Variants in TTC21B observed in about 807,000 individuals in gnomAD.
The protein encoded by TTC21B is tetratricopeptide repeat domain 21B.
In TTC21B, 127 loss-of-function variants were observed where a neutral mutation model predicts 175.1. The observed-to-expected ratio is 0.73, with a 90% CI of 0.63 to 0.84. TTC21B has a LOEUF of 0.84. Ranked by LOEUF, TTC21B falls within the 40% of genes least tolerant of loss-of-function variation. The probability of loss-of-function intolerance (pLI) is 0.00; values close to 1 mark genes in which losing one functional copy is unlikely to be tolerated. For synonymous variants in TTC21B, 524 were observed against 524.5 expected, an observed-to-expected ratio of 1.00 and a Z score of 0.01; for missense variants, 1,561 against 1,558.3, an observed-to-expected ratio of 1.00 and a Z score of -0.03.
intron 11 of TTC21B, among the ~76,000 whole-genome samples, chr2:165,927,908 G>C (rs550755888): frequency 1.3e-5 from 2 of 152,326 alleles, no homozygotes; most frequent in East Asian, 3.9e-4. Flanking sequence ...ATGCTAAGAA[G>C]TTTGCTTTCA....
intron 12 of TTC21B, among the ~76,000 whole-genome samples, chr2:165,919,889 A>T (rs989063315): frequency 1.3e-5 from 2 of 152,204 alleles, no homozygotes; most frequent in Non-Finnish European, 2.9e-5. Flanking sequence ...TTACTACTAT[A>T]CATAAAATAA....
intron 14 of TTC21B, among the ~76,000 whole-genome samples, chr2:165,916,231 C>A (rs180763122): frequency 6.6e-6 from 1 of 152,106 alleles, no homozygotes; most frequent in Non-Finnish European, 1.5e-5. Flanking sequence ...TCACTGGATG[C>A]CAGCTGAGGA....
At chr2:165,947,715 T>G (rs1163216759) in intron 3 of TTC21B, 1 of 152,128 alleles carries the variant, frequency 6.6e-6, no homozygotes, top group African/African-American at 2.4e-5. Context: ...CAGGGTTTAT[T>G]TACATCAGCA....
chr2:165,901,613 G>T, intron 20 of TTC21B, 109 bp downstream of exon 20: 1 of 1,104,292 alleles, frequency 9.1e-7, no homozygotes, highest in Non-Finnish European at 1.4e-6. Flanking sequence ...ATCAGCCACT[G>T]CACCCTGCCT....
At chr2:165,891,574 A>AATTC (rs3032516) in intron 22 of TTC21B, among the ~76,000 whole-genome samples, 2,476 of 149,406 alleles carry the variant, frequency 0.017, 20 homozygotes, top group Middle Eastern at 0.028. Context: ...TTCTAAAAAA[A>AATTC]ATTCATTCAT....
chr2:165,914,657 C>CTGTGTGTG lies in TTC21B; in HGVS notation c.2138+536_2138+543dup, dbSNP rs551411661. Among the ~76,000 whole-genome samples the CTGTGTGTG allele has an allele frequency of 9.3e-3, 1,097 of 118,148 alleles. 24 individuals carry two copies. Among genetic ancestry groups the CTGTGTGTG allele is most frequent in the Middle Eastern group, 0.033 (8 of 246 alleles). 77.5% of individuals were successfully genotyped at this position (118,148 alleles called of 152,430 possible). A position where few individuals can be genotyped will look rare whatever the true frequency, so the allele number is the denominator to read the frequency against. Reference sequence around the variant, plus strand: ...GTTTGGGGAGAAGAGGAAGAGCAATCTGTGTGTGTGTGTGTGTGTGTGTGT... The same window carrying CTGTGTGTG: ...GTTTGGGGAGAAGAGGAAGAGCAATCTGTGTGTGTGTGTGTGTGTGTGTGTGTGTGTGT... On this transcript the variant is annotated intron_variant, in intron 15 of 28. Coordinates refer to ENST00000243344, the MANE Select transcript of TTC21B (RefSeq NM_024753.5).
At chr2:165,876,063 A>G (rs1240537411) in intron 28 of TTC21B, 102 bp downstream of exon 28, 3 of 742,430 alleles carry the variant, frequency 4.0e-6, no homozygotes, top group Non-Finnish European at 7.1e-6. Context: ...ATTTAACTAA[A>G]ATAATGTATC....
intron 18 of TTC21B, among the ~76,000 whole-genome samples, chr2:165,909,634 A>G (rs935919409): frequency 2.6e-5 from 4 of 152,202 alleles, no homozygotes; most frequent in Non-Finnish European, 5.9e-5. Context: ...AATGTCAGGA[A>G]GTTTTTAGCC....
intron 24 of TTC21B, among the ~76,000 whole-genome samples, chr2:165,889,043 A>G (rs1685100750): frequency 6.6e-6 from 1 of 152,196 alleles, no homozygotes; most frequent in Non-Finnish European, 1.5e-5. Flanking sequence ...AGACTCTCAG[A>G]AATTATATAT....
intron 18 of TTC21B, among the ~76,000 whole-genome samples, chr2:165,909,113 T>G (rs1685844077): frequency 6.6e-6 from 1 of 152,074 alleles, no homozygotes; most frequent in Admixed American, 6.5e-5. Context: ...CAAAGATTCC[T>G]ATAATCAGAG....
chr2:165,875,687 C>G (rs1684644017), intron 28 of TTC21B, among the ~76,000 whole-genome samples: 1 of 152,064 alleles, frequency 6.6e-6, no homozygotes, highest in Admixed American at 6.6e-5. Flanking sequence ...TCTCTAATAA[C>G]CAGATTCAGA....
chr2:165,949,563 C>G lies in TTC21B; in HGVS notation c.151+32G>C, dbSNP rs200608052. On this transcript the variant is annotated intron_variant, in intron 2 of 28. Coordinates refer to ENST00000243344, the MANE Select transcript of TTC21B (RefSeq NM_024753.5). ...CTTAGTGCAAAGCAAGAATTTAAAA[C>G]TGATGGAACATGTTTAATGATTAAC... 2,659 of 1,613,796 alleles carry G rather than the reference C, an allele frequency of 1.6e-3. 11 individuals are homozygous for G. Among genetic ancestry groups the G allele is most frequent in the Non-Finnish European group, 1.9e-3 (2,266 of 1,179,848 alleles).
At chr2:165,894,735 T>C (rs1685304917) in intron 22 of TTC21B, among the ~76,000 whole-genome samples, 1 of 152,178 alleles carries the variant, frequency 6.6e-6, no homozygotes, top group Admixed American at 6.6e-5. Flanking sequence ...ACTGATCCAT[T>C]CAACCAATAA....
At chr2:165,913,553 C>T in intron 16 of TTC21B, 21 bp downstream of exon 16, 4 of 1,550,442 alleles carry the variant, frequency 2.6e-6, no homozygotes, top group Non-Finnish European at 3.6e-6. Context: ...AAATGCAGTT[C>T]AGTAACATCA....
intron 20 of TTC21B, among the ~76,000 whole-genome samples, chr2:165,900,421 TG>T (rs1685521331): frequency 6.6e-6 from 1 of 152,196 alleles, no homozygotes; most frequent in Non-Finnish European, 1.5e-5. Context: ...AGAGGATAGT[TG>T]TCTTTTGTAC....
Position 165,945,706 on chromosome 2 carries a change from G to C in TTC21B, c.263-16C>G. 1.2e-6 allele frequency: 2 copies of C among 1,609,308 alleles called. No homozygotes were observed. The highest frequency in any genetic ancestry group is 1.7e-6 in the Non-Finnish European group (2 of 1,178,422). Reference sequence around the variant, plus strand: ...GCTTCTCTATCTGGTAGGGGAAAATGATATTAAATAAAAATTAAATTCTGG... The same window carrying C: ...GCTTCTCTATCTGGTAGGGGAAAATCATATTAAATAAAAATTAAATTCTGG... On this transcript the variant is annotated splice_polypyrimidine_tract_variant and intron_variant, in intron 3 of 28. Transcript: ENST00000243344.
intron 3 of TTC21B, chr2:165,947,494 CT>C (rs1687624231): frequency 6.6e-6 from 1 of 151,878 alleles, no homozygotes; most frequent in Admixed American, 6.6e-5. Context: ...CTCCCCACCC[CT>C]ACAACCCCTT....
chr2:165,923,875 CTGAG>C (rs1686516741), intron 12 of TTC21B, among the ~76,000 whole-genome samples: 1 of 151,652 alleles, frequency 6.6e-6, no homozygotes, highest in Non-Finnish European at 1.5e-5. Flanking sequence ...CTTCAGTCTC[CTGAG>C]TAACTGGGGC....
intron 4 of TTC21B, 55 bp from the exon 5 acceptor site, chr2:165,943,396 T>G (rs563041933): frequency 1.0e-4 from 137 of 1,352,754 alleles, no homozygotes; most frequent in Non-Finnish European, 1.4e-4. Context: ...AAATAAATGT[T>G]AATGAAAGAG....
Sources: allele counts gnomAD v4.1 joint callset (sites outside exome capture counted in the v4.1 genomes callset), GRCh38; gene constraint gnomAD v4.1.1; transcripts MANE v1.5; gene names NCBI Gene and HGNC (gene_info 2026-07-23, HGNC 2026-07-21).